The following NACC2 variants were observed in gnomAD, a reference collection of about 807,000 sequenced individuals.
NACC2 encodes NACC family member 2, also known as nucleus accumbens-associated protein 2.
A neutral mutation model predicts 25.1 loss-of-function variants in NACC2; 8 were observed. The observed-to-expected ratio is 0.32, with a 90% CI of 0.19 to 0.57. The LOEUF is 0.57. Among genes scored for constraint, NACC2 ranks in the 20% least tolerant of loss-of-function variants. The pLI, the probability that NACC2 is intolerant of heterozygous loss-of-function variation, is 0.89. For missense variants in NACC2, 644 were observed against 650.2 expected, an observed-to-expected ratio of 0.99 and a Z score of 0.10; for synonymous variants, 435 against 294.7, an observed-to-expected ratio of 1.48 and a Z score of -4.88.
rs922337576 is a variant in NACC2 at position 136,041,253 on chromosome 9, C to T, written c.886+8383G>A. On this transcript the variant is annotated intron_variant, in intron 2 of 5. Coordinates refer to ENST00000277554, the MANE Select transcript of NACC2 (RefSeq NM_144653.5). ...GCTGGCCAATGTGGTGAAACCTCGT[C>T]TCTACTAAAAATACAAAAAATCAGC... is the stretch of plus-strand genomic sequence containing the variant. 5.8e-4 allele frequency among the ~76,000 whole-genome samples: 88 copies of T among 152,126 alleles called. 1 individual carries two copies. Among genetic ancestry groups the T allele is most frequent in the Admixed American group, 2.4e-3 (37 of 15,284 alleles).
intron 2 of NACC2, among the ~76,000 whole-genome samples, chr9:136,030,276 G>A (rs1311799508): frequency 1.3e-5 from 2 of 152,120 alleles, no homozygotes; most frequent in South Asian, 2.1e-4. Flanking sequence ...CATAGTCAGA[G>A]GAGGCTCATC....
intron 1 of NACC2, among the ~76,000 whole-genome samples, chr9:136,066,861 T>G (rs1195479393): frequency 1.3e-5 from 2 of 150,578 alleles, no homozygotes; most frequent in African/African-American, 4.9e-5. Context: ...TTACGCTAAG[T>G]GTGAAAAAAA....
intron 1 of NACC2, among the ~76,000 whole-genome samples, chr9:136,081,830 G>A (rs1429433857): frequency 6.6e-6 from 1 of 152,140 alleles, no homozygotes; most frequent in Non-Finnish European, 1.5e-5. Flanking sequence ...ACACCAGGCT[G>A]AGGGCAAGGC....
chr9:136,095,142 C>G (rs1830477208), intron 1 of NACC2, 47 bp downstream of exon 1: 2 of 146,440 alleles, frequency 1.4e-5, no homozygotes. Flanking sequence ...ACGACCCCGC[C>G]CGGCGGCGTA....
chr9:136,088,448 C>G (rs1830401659), intron 1 of NACC2, among the ~76,000 whole-genome samples: 1 of 152,156 alleles, frequency 6.6e-6, no homozygotes, highest in Non-Finnish European at 1.5e-5. Flanking sequence ...CCCTGAGCCC[C>G]TGGAAGCTGC....
In NACC2 at chr9:136,074,222, G is replaced by C. The variant is rs917873974; in HGVS notation, c.-60+20967C>G. 4.0e-5 allele frequency among the ~76,000 whole-genome samples: 6 copies of C among 150,846 alleles called. No individual in the cohort carries two copies. In the East Asian group the frequency reaches 1.0e-3, roughly 25 times the overall value. On this transcript the variant is annotated intron_variant, in intron 1 of 5. Transcript: ENST00000277554. Reference sequence around the variant, plus strand: ...TCCCAGCACTTTGGGAGGCCGAGGAGGGCAGATCACGAGGTCAGGAGATCC... The same window carrying C: ...TCCCAGCACTTTGGGAGGCCGAGGACGGCAGATCACGAGGTCAGGAGATCC...
intron 1 of NACC2, among the ~76,000 whole-genome samples, chr9:136,065,811 CA>C (rs34024892): frequency 8.7e-4 from 119 of 136,774 alleles, no homozygotes; most frequent in Middle Eastern, 7.4e-3. Flanking sequence ...ACCCTGTCTC[CA>C]AAAAAAAAAA....
rs1435428487 is a variant in NACC2, at chr9:136,018,502, G to A, written c.887-2073C>T. 3.3e-5 allele frequency among the ~76,000 whole-genome samples: 5 copies of A among 152,072 alleles called. No homozygotes were observed. The East Asian group carries it at 9.6e-4, about 29-fold the overall frequency. On this transcript the variant is annotated intron_variant, in intron 2 of 5. Coordinates refer to ENST00000277554, the MANE Select transcript of NACC2 (RefSeq NM_144653.5). The surrounding 1 kb of genome is among the most constrained non-coding windows in gnomAD (Gnocchi z 4.4). ...GCGGGGTCTGAAACCACCCACCCTG[G>A]AGTCACCCTGACACTCCCTCCCCAG...
Position 136,018,999 on chromosome 9 carries a change from A to T in NACC2, c.887-2570T>A, listed in dbSNP as rs566754520. ...CTCCCCAGCCCCTGCCCAGCTCCCC[A>T]AGAGCCAGAGACTGTCAGCACCAGA... On this transcript the variant is annotated intron_variant, in intron 2 of 5. Transcript: ENST00000277554. This position sits in a 1 kb window ranked among gnomAD's most constrained non-coding sequence, Gnocchi z 4.4. Among the ~76,000 whole-genome samples the T allele has an allele frequency of 2.0e-5, 3 of 149,206 alleles. No homozygotes were observed. The South Asian group carries it at 6.8e-4, about 34-fold the overall frequency.
chr9:136,028,440 G>A (rs951305613), intron 2 of NACC2, among the ~76,000 whole-genome samples: 3 of 148,912 alleles, frequency 2.0e-5, no homozygotes, highest in African/African-American at 5.0e-5. Context: ...GCAGTGGTGC[G>A]ATCTCAGCTC....
chr9:136,046,176 G>A (rs941352691), intron 2 of NACC2, among the ~76,000 whole-genome samples: 13 of 152,356 alleles, frequency 8.5e-5, no homozygotes, highest in South Asian at 2.1e-4. Flanking sequence ...ACTCACCCCC[G>A]TGGTGGGGCG....
In NACC2 at chr9:136,055,060, G is replaced by A. The variant is rs1008358066; in HGVS notation, c.-59-4480C>T. ...AGAAAATACAGGTGGCTGTGGTGTC[G>A]GAGTGGGGGGTCTCTCCTCTGCAGA... On this transcript the variant is annotated intron_variant, in intron 1 of 5. Coordinates refer to ENST00000277554, the MANE Select transcript of NACC2 (RefSeq NM_144653.5). The surrounding 1 kb of genome is among the most constrained non-coding windows in gnomAD (Gnocchi z 4.9). 5.0e-4 allele frequency among the ~76,000 whole-genome samples: 76 copies of A among 152,214 alleles called. No homozygotes were observed. Among genetic ancestry groups the A allele is most frequent in the African/African-American group, 1.7e-3 (70 of 41,526 alleles).
At chr9:136,043,649 T>C (rs570391787) in intron 2 of NACC2, among the ~76,000 whole-genome samples, 2 of 152,162 alleles carry the variant, frequency 1.3e-5, no homozygotes, top group Non-Finnish European at 2.9e-5. Context: ...AAAAGGGCAG[T>C]AGGAGGCAGC....
chr9:136,077,758 G>T (rs1177163793), intron 1 of NACC2, among the ~76,000 whole-genome samples: 1 of 152,172 alleles, frequency 6.6e-6, no homozygotes, highest in African/African-American at 2.4e-5. Context: ...GCAGGCAAGG[G>T]GGCAACAAAA....
At chr9:136,042,071 C>G (rs1840642012) in intron 2 of NACC2, among the ~76,000 whole-genome samples, 1 of 152,172 alleles carries the variant, frequency 6.6e-6, no homozygotes, top group Non-Finnish European at 1.5e-5. Flanking sequence ...TCACTATAAC[C>G]TCCACCTCCT....
chr9:136,029,240 C>T (rs529771354), intron 2 of NACC2, among the ~76,000 whole-genome samples: 2 of 152,294 alleles, frequency 1.3e-5, no homozygotes, highest in Admixed American at 6.5e-5. Flanking sequence ...CAGACTCAGC[C>T]AGACAACAGG....
At chr9:136,069,412 G>A (rs1208800427) in intron 1 of NACC2, among the ~76,000 whole-genome samples, 1 of 151,322 alleles carries the variant, frequency 6.6e-6, no homozygotes, top group African/African-American at 2.5e-5. Flanking sequence ...AGCCGGGCGT[G>A]GTGGCAGGCA....
intron 1 of NACC2, among the ~76,000 whole-genome samples, chr9:136,066,493 CAG>C (rs1307716723): frequency 1.3e-5 from 2 of 152,190 alleles, no homozygotes; most frequent in East Asian, 3.9e-4. Flanking sequence ...ATCAAAAAGA[CAG>C]AAAACAAAGG....
At chr9:136,043,478 GT>G (rs1364050458) in intron 2 of NACC2, among the ~76,000 whole-genome samples, 1 of 152,276 alleles carries the variant, frequency 6.6e-6, no homozygotes, top group Non-Finnish European at 1.5e-5. Flanking sequence ...CCGTAAGGCC[GT>G]GGGGCGCCTG....
Sources: gnomAD v4.1 joint callset for allele counts (sites outside exome capture counted in the v4.1 genomes callset) on GRCh38, gnomAD v4.1.1 for gene constraint, Gnocchi (gnomAD v3.1) non-coding constraint, MANE v1.5 for transcripts, NCBI Gene and HGNC (gene_info 2026-07-23, HGNC 2026-07-21) for gene names.